DYRK1A: variants seen among roughly 807,000 people sequenced by gnomAD.
The protein encoded by DYRK1A is dual specificity tyrosine phosphorylation regulated kinase 1A.
Under a neutral mutation model 79.7 loss-of-function variants are expected in DYRK1A, and 9 were observed. The observed-to-expected ratio is 0.11, with a 90% confidence interval of 0.07 to 0.20. The LOEUF (loss-of-function observed/expected upper bound fraction) is 0.20, where lower values mean the gene tolerates loss of function less well. DYRK1A is among the 10% of genes least tolerant of loss of function. The pLI, the probability that DYRK1A is intolerant of heterozygous loss-of-function variation, is 1.00. For missense variants in DYRK1A, 622 were observed against 956.0 expected (o/e 0.65, Z 4.61); for synonymous variants, 349 against 329.7 (o/e 1.06, Z -0.63).
intron 9 of DYRK1A, among the ~76,000 whole-genome samples, chr21:37,499,702 A>T (rs910193044): frequency 1.3e-5 from 2 of 152,100 alleles, no homozygotes; most frequent in African/African-American, 4.8e-5. Flanking sequence ...AAAATGTATA[A>T]TTTCATAATT....
intron 9 of DYRK1A, chr21:37,501,502 T>C (rs570046329): frequency 2.0e-5 from 3 of 152,350 alleles, no homozygotes; most frequent in Admixed American, 6.5e-5. Context: ...TTCTGAAATG[T>C]TTCTAACTTG....
At chr21:37,433,971 G>C (rs1026941430) in intron 2 of DYRK1A, among the ~76,000 whole-genome samples, 1 of 151,970 alleles carries the variant, frequency 6.6e-6, no homozygotes, top group African/African-American at 2.4e-5. Flanking sequence ...TCCTTTTTCT[G>C]ACTTTTAGAA....
chr21:37,441,371 A>G (rs1257014192), intron 2 of DYRK1A, among the ~76,000 whole-genome samples: 2 of 151,988 alleles, frequency 1.3e-5, no homozygotes, highest in Non-Finnish European at 2.9e-5. Context: ...TATTTAGATC[A>G]TTTGTGTTTA....
chr21:37,401,482 C>CT (rs60091331), intron 1 of DYRK1A, among the ~76,000 whole-genome samples: 3,581 of 137,446 alleles, frequency 0.026, 115 homozygotes, highest in African/African-American at 0.078. Context: ...TTTCTAGTTC[C>CT]TTTTTTTTTT....
Position 37,417,538 on chromosome 21 carries a change from T to TTTTTTTC in DYRK1A, c.-76-2755_-76-2754insCTTTTTT, listed in dbSNP as rs2050377400. On this transcript the variant is annotated intron_variant, in intron 1 of 11. Coordinates refer to ENST00000647188, the MANE Select transcript of DYRK1A (RefSeq NM_001347721.2). ...TTTTCTTTTTCTTTTTCTTTTTTTTTTTTTTTTTTTTTTTTTACAAATCTT... is the reference window on the plus strand; with the variant it reads ...TTTTCTTTTTCTTTTTCTTTTTTTTTTTTTTTCTTTTTTTTTTTTTTTTACAAATCTT... 7.3e-3 allele frequency among the ~76,000 whole-genome samples: 725 copies of TTTTTTTC among 99,842 alleles called. 13 individuals are homozygous for TTTTTTTC. Among genetic ancestry groups the TTTTTTTC allele is most frequent in the African/African-American group, 0.024 (660 of 27,452 alleles). The allele number at this position is 99,842 out of a possible 152,430, so 65.5% of individuals were successfully genotyped here.
In DYRK1A at chr21:37,495,252, G is replaced by A. The variant is rs1041595428; in HGVS notation, c.1072-866G>A. On this transcript the variant is annotated intron_variant, in intron 8 of 11. Coordinates refer to ENST00000647188, the MANE Select transcript of DYRK1A (RefSeq NM_001347721.2). Reference sequence around the variant, plus strand: ...GGGTTGGGTGCCGTACCTCACGCCTGTAATCCCAGCACTTTGGGAGGTCAA... The same window carrying A: ...GGGTTGGGTGCCGTACCTCACGCCTATAATCCCAGCACTTTGGGAGGTCAA... Among the ~76,000 whole-genome samples, 17 of 151,224 alleles carry A rather than the reference G, an allele frequency of 1.1e-4. No individual in the cohort carries two copies. In the South Asian group the frequency reaches 3.3e-3, roughly 30 times the overall value.
chr21:37,376,112 C>CT (rs1461159781), intron 1 of DYRK1A, among the ~76,000 whole-genome samples: 1 of 152,066 alleles, frequency 6.6e-6, no homozygotes, highest in Non-Finnish European at 1.5e-5. Flanking sequence ...AGAACAGCTG[C>CT]TTAGTGCAGG....
Position 37,406,759 on chromosome 21 carries a change from A to G in DYRK1A, c.-76-13540A>G, listed in dbSNP as rs1041274493. Among the ~76,000 whole-genome samples, 25 of 133,174 alleles carry G rather than the reference A, an allele frequency of 1.9e-4. No homozygotes were observed. The South Asian group carries it at 3.3e-3, about 17-fold the overall frequency. The allele number at this position is 133,174 out of a possible 152,430, so 87.4% of individuals were successfully genotyped here. A position where few individuals can be genotyped will look rare whatever the true frequency, so the allele number is the denominator to read the frequency against. On this transcript the variant is annotated intron_variant, in intron 1 of 11. Transcript: ENST00000647188. ...TATCTCTATATATCTCTATATATCT[A>G]TATATGTATATATCTCTATATACAT...
At chr21:37,462,996 G>T (rs1250189125) in intron 2 of DYRK1A, among the ~76,000 whole-genome samples, 1 of 152,152 alleles carries the variant, frequency 6.6e-6, no homozygotes, top group East Asian at 1.9e-4. Flanking sequence ...AATTCCTAAG[G>T]GTAACATGTT....
chr21:37,486,308 T>G, intron 5 of DYRK1A, 159 bp from the exon 6 acceptor site: 1 of 447,446 alleles, frequency 2.2e-6, no homozygotes, highest in Non-Finnish European at 3.9e-6. Context: ...ATATATTGAA[T>G]AGAAATAGAT....
chr21:37,417,539 T>TC lies in DYRK1A; in HGVS notation c.-76-2760_-76-2759insC, dbSNP rs1256835886. On this transcript the variant is annotated intron_variant, in intron 1 of 11. Coordinates refer to ENST00000647188, the MANE Select transcript of DYRK1A (RefSeq NM_001347721.2). ...TTTCTTTTTCTTTTTCTTTTTTTTT[T>TC]TTTTTTTTTTTTTTTACAAATCTTG... 1.6e-3 allele frequency among the ~76,000 whole-genome samples: 172 copies of TC among 109,406 alleles called. 2 individuals are homozygous for TC. The highest frequency in any genetic ancestry group is 1.9e-3 in the East Asian group (9 of 4,732). The allele number at this position is 109,406 out of a possible 152,430, so 71.8% of individuals were successfully genotyped here. A position where few individuals can be genotyped will look rare whatever the true frequency, so the allele number is the denominator to read the frequency against.
chr21:37,419,068 A>G (rs150438967), intron 1 of DYRK1A: 1 of 152,332 alleles, frequency 6.6e-6, no homozygotes, highest in East Asian at 1.9e-4. Context: ...TATAGACTCA[A>G]ATCTATATTA....
intron 2 of DYRK1A, among the ~76,000 whole-genome samples, chr21:37,421,491 A>T (rs538554817): frequency 6.2e-4 from 95 of 152,254 alleles, no homozygotes; most frequent in African/African-American, 1.9e-3. Flanking sequence ...TTTAAGACCG[A>T]TGTTAATTCT....
intron 9 of DYRK1A, among the ~76,000 whole-genome samples, chr21:37,498,517 A>G (rs2053343312): frequency 6.6e-6 from 1 of 152,174 alleles, no homozygotes; most frequent in African/African-American, 2.4e-5. Flanking sequence ...TCAATATTGT[A>G]TGTCTCAGGA....
chr21:37,434,328 C>G (rs746145839), intron 2 of DYRK1A, among the ~76,000 whole-genome samples: 2 of 152,106 alleles, frequency 1.3e-5, no homozygotes, highest in African/African-American at 4.8e-5. Flanking sequence ...GAGATAATTG[C>G]TAGGCTAGGT....
intron 2 of DYRK1A, among the ~76,000 whole-genome samples, chr21:37,449,623 T>C (rs190143553): frequency 6.2e-4 from 94 of 152,284 alleles, no homozygotes; most frequent in African/African-American, 1.9e-3. Flanking sequence ...AAAAATGCCT[T>C]TGGTTATCAA....
At chr21:37,475,467 C>T (rs1324399132) in intron 3 of DYRK1A, among the ~76,000 whole-genome samples, 1 of 152,194 alleles carries the variant, frequency 6.6e-6, no homozygotes, top group Non-Finnish European at 1.5e-5. Flanking sequence ...AAGCTGCTTT[C>T]TAATTCTGGA....
intron 2 of DYRK1A, among the ~76,000 whole-genome samples, chr21:37,457,030 TTACTTA>T (rs2051667314): frequency 1.4e-5 from 1 of 70,860 alleles, no homozygotes; most frequent in African/African-American, 6.0e-5. Context: ...ACTTACTTAC[TTACTTA>T]CTTATTTATT....
rs749857925 is a variant in DYRK1A, at chr21:37,486,503, G to A, written c.526G>A (p.Val176Ile). ...ATATGATCGTGTGGAGCAAGAATGG[G>A]TTGCCATTAAAATAATAAAGAACAA... ...KAYDRVEQEW[V>I]AIKIIKNKKA... Residue 176 changes from valine (V) to isoleucine (I), a missense_variant, in exon 6 of 12, where the codon GTT becomes ATT. This residue lies in a region of DYRK1A where 138 missense variants were observed against 346.4 expected (regional missense o/e 0.40). Transcript: ENST00000647188. 1.9e-6 allele frequency: 3 copies of A among 1,592,666 alleles called. No homozygotes were observed. Among genetic ancestry groups the A allele is most frequent in the Admixed American group, 1.8e-5 (1 of 55,796 alleles).
Sources: allele counts gnomAD v4.1 joint callset (sites outside exome capture counted in the v4.1 genomes callset), GRCh38; gene constraint gnomAD v4.1.1; regional missense constraint gnomAD v4.1.1; transcripts MANE v1.5; gene names NCBI Gene and HGNC (gene_info 2026-07-23, HGNC 2026-07-21).